Variants in CYRIB observed in about 807,000 individuals in gnomAD.
CYRIB encodes the protein CYFIP related Rac1 interactor B, also known as CYFIP-related Rac1 interactor B.
CYRIB carries 8 observed loss-of-function variants against 44.2 expected under a neutral mutation model. The ratio of observed to expected loss-of-function variants is 0.18; its 90% CI spans 0.11 to 0.33. CYRIB has a LOEUF of 0.33. Ranked by LOEUF, CYRIB falls within the 10% of genes least tolerant of loss-of-function variation. CYRIB has a pLI of 1.00. For missense variants in CYRIB, 185 were observed against 382.8 expected, an observed-to-expected ratio of 0.48 and a Z score of 4.31; for synonymous variants, 131 against 127.2, an observed-to-expected ratio of 1.03 and a Z score of -0.20.
intron 1 of CYRIB, among the ~76,000 whole-genome samples, chr8:129,936,261 T>C (rs1275791169): frequency 2.0e-5 from 3 of 152,216 alleles, no homozygotes. Context: ...TGAACAAGTA[T>C]ACCTAATTGG....
At chr8:129,978,243 T>C (rs1366491192) in intron 1 of CYRIB, among the ~76,000 whole-genome samples, 2 of 152,240 alleles carry the variant, frequency 1.3e-5, no homozygotes, top group African/African-American at 2.4e-5. Flanking sequence ...GAATTGTCTA[T>C]AGTGTGTTAT....
chr8:129,933,156 A>G (rs2091996064), intron 1 of CYRIB, among the ~76,000 whole-genome samples: 1 of 152,214 alleles, frequency 6.6e-6, no homozygotes, highest in East Asian at 1.9e-4. Flanking sequence ...AGTAGACCAG[A>G]AACATTAAAC....
intron 1 of CYRIB, among the ~76,000 whole-genome samples, chr8:129,986,332 T>C (rs2096455771): frequency 6.6e-6 from 1 of 152,192 alleles, no homozygotes; most frequent in Non-Finnish European, 1.5e-5. Context: ...ACCTCCCTCC[T>C]CTAGGCCACT....
rs559063272 is a variant in CYRIB, at chr8:129,891,108, C to G, written c.-10-11637G>C. ...CCCAGCAGCAGTGCATTATCTGGCC[C>G]CCTTCAAAGGTCTGAGACTCCAGGC... On this transcript the variant is annotated intron_variant, in intron 2 of 11. Coordinates refer to ENST00000519824, the Ensembl canonical transcript of CYRIB. 3.3e-5 allele frequency among the ~76,000 whole-genome samples: 5 copies of G among 152,192 alleles called. No homozygotes were observed. In the South Asian group the frequency reaches 8.3e-4, roughly 25 times the overall value.
At chr8:129,885,295 G>A (rs1345321439) in intron 2 of CYRIB, among the ~76,000 whole-genome samples, 2 of 152,138 alleles carry the variant, frequency 1.3e-5, no homozygotes, top group Non-Finnish European at 2.9e-5. Flanking sequence ...TGCACCGGTT[G>A]CAACTTCTAG....
upstream of CYRIB, chr8:130,016,961 CG>C (rs1428325225): frequency 2.0e-5 from 3 of 152,302 alleles, no homozygotes; most frequent in East Asian, 1.9e-4. Context: ...GCTCGAACCC[CG>C]GTCTCCAGAC....
intron 1 of CYRIB, among the ~76,000 whole-genome samples, chr8:130,014,345 G>A (rs2097294032): frequency 1.3e-5 from 2 of 152,182 alleles, no homozygotes; most frequent in South Asian, 4.1e-4. Flanking sequence ...TAGGAGGATG[G>A]CTTGAGCCTG....
chr8:129,989,014 G>A (rs2133198876), intron 1 of CYRIB, among the ~76,000 whole-genome samples: 1 of 152,180 alleles, frequency 6.6e-6, no homozygotes, highest in East Asian at 1.9e-4. Flanking sequence ...TCACCGTCCA[G>A]CATCACACAG....
At chr8:129,989,640 CTTTT>C (rs545615460) in intron 1 of CYRIB, among the ~76,000 whole-genome samples, 1 of 136,798 alleles carries the variant, frequency 7.3e-6, no homozygotes, top group Non-Finnish European at 1.6e-5. Flanking sequence ...GATGCCCTTT[CTTTT>C]TTTTTTTTTT....
At chr8:130,015,970 G>A (rs1440442173) in intron 1 of CYRIB, among the ~76,000 whole-genome samples, 1 of 151,966 alleles carries the variant, frequency 6.6e-6, no homozygotes, top group Non-Finnish European at 1.5e-5. Context: ...GTCAGTCCCC[G>A]CACCGACACC....
intron 1 of CYRIB, among the ~76,000 whole-genome samples, chr8:129,981,315 TGTTG>T (rs1368267771): frequency 6.6e-6 from 1 of 152,088 alleles, no homozygotes; most frequent in Non-Finnish European, 1.5e-5. Context: ...AATTTTTGTT[TGTTG>T]GTTGGTTGGT....
intron 2 of CYRIB, 191 bp downstream of exon 4, chr8:129,903,121 T>C (rs2073211511): frequency 6.6e-6 from 1 of 152,610 alleles, no homozygotes; most frequent in African/African-American, 2.4e-5. Context: ...CTAATTAATT[T>C]ACATTTTCCC....
Position 129,918,318 on chromosome 8 carries a change from C to A in CYRIB, c.-49-14968G>T, listed in dbSNP as rs190943. ...TGCTTTGTCTATCTAAAGCAGGGGT[C>A]TGCAAACCACCCACAGACCATGCCT... is the stretch of plus-strand genomic sequence containing the variant. On this transcript the variant is annotated intron_variant, in intron 1 of 11. Transcript: ENST00000519824. Among the ~76,000 whole-genome samples the A allele has an allele frequency of 1.3e-5, 2 of 152,180 alleles. 1 individual carries two copies. Among genetic ancestry groups the A allele is most frequent in the Admixed American group, 1.3e-4 (2 of 15,276 alleles).
chr8:129,862,308 C>T (rs1443182657), exon 5 of CYRIB: 63 of 1,613,056 alleles, frequency 3.9e-5, no homozygotes, highest in Non-Finnish European at 5.1e-5. Context: ...TCTCTTGCAA[C>T]TTCTCATCTG....
intron 1 of CYRIB, among the ~76,000 whole-genome samples, chr8:130,007,817 C>T (rs1012654036): frequency 6.6e-6 from 1 of 152,008 alleles, no homozygotes; most frequent in Non-Finnish European, 1.5e-5. Flanking sequence ...GTACAGGACA[C>T]TTGCTCCATG....
intron 1 of CYRIB, among the ~76,000 whole-genome samples, chr8:129,913,286 T>C (rs142488914): frequency 1.5e-3 from 228 of 152,308 alleles, no homozygotes; most frequent in African/African-American, 5.0e-3. Flanking sequence ...ACTTTCAAAA[T>C]CATGCCTACA....
At chr8:129,934,364 C>T (rs1391570739) in intron 1 of CYRIB, among the ~76,000 whole-genome samples, 1 of 151,996 alleles carries the variant, frequency 6.6e-6, no homozygotes, top group Non-Finnish European at 1.5e-5. Flanking sequence ...AGTCTTAGCC[C>T]CAAGAAGGAT....
chr8:129,843,656 G>T (rs1196493991), intron 11 of CYRIB, among the ~76,000 whole-genome samples: 6 of 152,170 alleles, frequency 3.9e-5, no homozygotes, highest in Non-Finnish European at 8.8e-5. Context: ...CCTGCCTTGG[G>T]CTCACAAGTA....
Position 129,900,649 on chromosome 8 carries a change from A to G in CYRIB, c.-11+2663T>C, listed in dbSNP as rs149115878. ...CAATGATGGCGTTTCTCTTCTTAAA[A>G]TTTTGGTGTCTCATACTGATATTTG... On this transcript the variant is annotated intron_variant, in intron 2 of 11. Transcript: ENST00000519824. Among the ~76,000 whole-genome samples the G allele has an allele frequency of 1.3e-4, 20 of 152,276 alleles. No individual in the cohort carries two copies. The East Asian group carries it at 3.9e-3, about 29-fold the overall frequency.
Sources: allele counts gnomAD v4.1 joint callset (sites outside exome capture counted in the v4.1 genomes callset), GRCh38; gene constraint gnomAD v4.1.1; transcripts MANE v1.5; gene names NCBI Gene and HGNC (gene_info 2026-07-23, HGNC 2026-07-21).